The following SPTBN5 variants were observed in gnomAD, a reference collection of about 807,000 sequenced individuals.
The protein encoded by SPTBN5 is spectrin beta chain, non-erythrocytic 5.
A neutral mutation model predicts 477.6 loss-of-function variants in SPTBN5; 513 were observed. The ratio of observed to expected loss-of-function variants is 1.07; its 90% CI spans 1.00 to 1.16. The LOEUF (loss-of-function observed/expected upper bound fraction) is 1.16. SPTBN5 is among the 50% of genes most tolerant of loss of function. SPTBN5 has a pLI of 0.00. For synonymous variants in SPTBN5, 2,169 were observed against 2,011.7 expected (o/e 1.08, Z -2.09); for missense variants, 5,062 against 4,731.8 (o/e 1.07, Z -2.05).
intron 62 of SPTBN5, 90 bp from the exon 63 acceptor site, chr15:41,851,940 C>T (rs1199218961): frequency 2.7e-6 from 3 of 1,109,580 alleles, no homozygotes; most frequent in Admixed American, 2.1e-5. Context: ...TCTCTTTATT[C>T]CTCCCATCCA....
chr15:41,881,106 A>G lies in SPTBN5; in HGVS notation c.2586T>C (p.Phe862=). The G allele has an allele frequency of 6.2e-7, 1 of 1,613,152 alleles. No homozygotes were observed. The highest frequency in any genetic ancestry group is 1.1e-5 in the South Asian group (1 of 90,928). ...GTGTCTGGAGTATAGTGTTGGGATC[A>G]AAGTCAGGGTCAGGCTCAGCTGGGA... The part of the protein sequence containing the change: ...MALPAEPDPD[F]DPNTILQTQD... Residue 862 remains phenylalanine (F), a synonymous_variant, in exon 13 of 68, where the codon TTT becomes TTC. Coordinates refer to ENST00000320955, the MANE Select transcript of SPTBN5 (RefSeq NM_016642.4).
intron 15 of SPTBN5, 27 bp downstream of exon 15, chr15:41,879,707 C>T (rs778378451): frequency 1.2e-6 from 2 of 1,612,384 alleles, no homozygotes; most frequent in South Asian, 2.2e-5. Flanking sequence ...GCCTGCCTCA[C>T]CACCTGCACT....
intron 47 of SPTBN5, among the ~76,000 whole-genome samples, chr15:41,859,709 C>A (rs1280230897): frequency 6.6e-6 from 1 of 152,078 alleles, no homozygotes; most frequent in Non-Finnish European, 1.5e-5. Context: ...CCAGGAACCA[C>A]CTAAGGTGAC....
Position 41,852,722 on chromosome 15 carries a change from TCTGACA to T in SPTBN5, c.10355_10360del (p.Val3452_Ser3453del). On this transcript the variant is annotated inframe_deletion, in exon 61 of 68. Coordinates refer to ENST00000320955, the MANE Select transcript of SPTBN5 (RefSeq NM_016642.4). Reference sequence around the variant, plus strand: ...GTGTCTGTGCAGCAGCAACTCCACATCTGACACTGAGTGCTGGGGAGAAGCATGTTC... The same window carrying T: ...GTGTCTGTGCAGCAGCAACTCCACATCTGAGTGCTGGGGAGAAGCATGTTC... The T allele has an allele frequency of 6.2e-7, 1 of 1,612,376 alleles. No homozygotes were observed. The highest frequency in any genetic ancestry group is 8.5e-7 in the Non-Finnish European group (1 of 1,179,524).
chr15:41,883,923 T>C (rs1431807945), intron 7 of SPTBN5, among the ~76,000 whole-genome samples: 1 of 152,214 alleles, frequency 6.6e-6, no homozygotes, highest in Non-Finnish European at 1.5e-5. Flanking sequence ...CCTGAGTAGC[T>C]GGGATTACAG....
At position 41,855,749 on chromosome 15, in the gene SPTBN5, G is replaced by T; in HGVS notation, c.9022-4C>A. 1 of 1,571,672 alleles carries T rather than the reference G, an allele frequency of 6.4e-7. No individual in the cohort carries two copies. The highest frequency in any genetic ancestry group is 2.3e-5 in the East Asian group (1 of 43,478). On this transcript the variant is annotated splice_region_variant and splice_polypyrimidine_tract_variant and intron_variant, in intron 53 of 67. Transcript: ENST00000320955. ...GCCAGGATCCCGCCTCCAGGAGCTG[G>T]GGGTGACAGAGTGGAGATCCGTTTT...
chr15:41,870,574 G>T lies in SPTBN5; in HGVS notation c.5448-14C>A. The T allele has an allele frequency of 6.3e-7, 1 of 1,599,614 alleles. No individual in the cohort carries two copies. Among genetic ancestry groups the T allele is most frequent in the Non-Finnish European group, 8.5e-7 (1 of 1,176,102 alleles). ...GACCAGGCGGTCCTGCCCACGGCGT[G>T]TGGAAGACCAGCCGGGGATCAGCTG... On this transcript the variant is annotated splice_polypyrimidine_tract_variant and intron_variant, in intron 29 of 67. Transcript: ENST00000320955.
Position 41,876,876 on chromosome 15 carries a change from G to T in SPTBN5, c.3784C>A (p.Pro1262Thr), listed in dbSNP as rs138022432. Residue 1262 changes from proline to threonine, a missense_variant, in exon 19 of 68, where the codon CCT becomes ACT. Physicochemically the swap from Pro to Thr is conservative, Grantham distance 38. Transcript: ENST00000320955. ...EFGRLLSTLG[P>T]RAEALRAHGE... ...TGTGCCCGCAGAGCCTCTGCCCGAG[G>T]CCCCAGGGTGCTCAGGAGCCGCCCA... The T allele has an allele frequency of 2.5e-4, 407 of 1,610,508 alleles. 1 individual carries two copies. In the African/African-American group the frequency reaches 4.5e-3, roughly 18 times the overall value.
chr15:41,875,383 T>C, intron 22 of SPTBN5, 75 bp downstream of exon 22: 1 of 1,495,316 alleles, frequency 6.7e-7, no homozygotes, highest in Non-Finnish European at 8.9e-7. Context: ...ACACCCAGAC[T>C]TCTCCCTCCC....
Position 41,852,821 on chromosome 15 carries a change from C to T in SPTBN5, c.10347+3G>A, listed in dbSNP as rs757476616. 1 of 1,609,990 alleles carries T rather than the reference C, an allele frequency of 6.2e-7. No individual in the cohort carries two copies. Among genetic ancestry groups the T allele is most frequent in the Non-Finnish European group, 8.5e-7 (1 of 1,177,776 alleles). On this transcript the variant is annotated splice_donor_region_variant and intron_variant, in intron 60 of 67. Transcript: ENST00000320955. ...CCAGCTAAGGGGCAGGACCCCCACT[C>T]ACCCCATAGTCGGGCTTCAGCAGGA...
rs938245809 is a variant in SPTBN5 at position 41,882,411 on chromosome 15, C to T, written c.2105G>A (p.Gly702Glu). The T allele has an allele frequency of 2.6e-6, 4 of 1,542,746 alleles. No homozygotes were observed. The highest frequency in any genetic ancestry group is 2.7e-5 in the African/African-American group (2 of 73,256). The change falls in exon 11 of 68, where the codon GGA becomes GAA. Residue 702 changes from glycine (G) to glutamate (E), a missense_variant. Coordinates refer to ENST00000320955, the MANE Select transcript of SPTBN5 (RefSeq NM_016642.4). ...GGGCCTGCGGGCGCTGAGGTCGCGT[C>T]CCCTCCGCACGAGATCTACGCACAC... ...QAVCVDLVRR[G>E]RDLSARRPPT...
At chr15:41,880,717 TG>T (rs2066921016) in intron 13 of SPTBN5, among the ~76,000 whole-genome samples, 1 of 152,198 alleles carries the variant, frequency 6.6e-6, no homozygotes. Context: ...CTTCCTCCGC[TG>T]GGCCCCCTTC....
rs748281244 is a variant in SPTBN5 at position 41,854,106 on chromosome 15, C to A, written c.9718G>T (p.Gly3240Ter). The change falls in exon 57 of 68, where the codon GGA becomes TGA. Residue 3240 changes from glycine to a stop codon, truncating the protein, a stop_gained. Transcript: ENST00000320955. LOFTEE classifies it high-confidence loss of function. ...EKTALMKGED[G>*]GHSLSSVRTL... ...CGCACAGATGACAGGCTGTGGCCTC[C>A]GTCCTCCCCCTTCATCAGGGCCGTC... 1.3e-6 allele frequency: 2 copies of A among 1,585,194 alleles called. No individual in the cohort carries two copies. Among genetic ancestry groups the A allele is most frequent in the Middle Eastern group, 3.3e-4 (2 of 6,036 alleles).
chr15:41,865,086 C>T (rs372182074), intron 39 of SPTBN5, among the ~76,000 whole-genome samples: 12 of 152,162 alleles, frequency 7.9e-5, no homozygotes, highest in East Asian at 7.7e-4. Flanking sequence ...TAAGCACTGC[C>T]GCCTCTTAAA....
intron 29 of SPTBN5, 31 bp from the exon 30 acceptor site, chr15:41,870,591 G>T: frequency 6.3e-7 from 1 of 1,574,900 alleles, no homozygotes; most frequent in Admixed American, 1.7e-5. Context: ...ACCAGCCGGG[G>T]ATCAGCTGCC....
rs536279253 is a variant in SPTBN5, at chr15:41,873,403, G to A, written c.5007+89C>T. On this transcript the variant is annotated intron_variant, in intron 26 of 67. Transcript: ENST00000320955. Reference sequence around the variant, plus strand: ...CTCCAGGAAGCAAGAGCAGGGCTCCGTGCCTCTGAGAGAGGGAGGGTGACA... The same window carrying A: ...CTCCAGGAAGCAAGAGCAGGGCTCCATGCCTCTGAGAGAGGGAGGGTGACA... 126 of 989,972 alleles carry A rather than the reference G, an allele frequency of 1.3e-4. No individual in the cohort carries two copies. In the Admixed American group the frequency reaches 1.8e-3, roughly 14 times the overall value. The allele number at this position is 989,972 out of a possible 1,614,324, so 61.3% of individuals were successfully genotyped here.
chr15:41,885,970 G>A lies in SPTBN5; in HGVS notation c.1285C>T (p.Arg429Trp), dbSNP rs370725104. The change falls in exon 7 of 68, where the codon CGG becomes TGG. Residue 429 changes from arginine to tryptophan, a missense_variant. By Grantham distance (101) the Arg-to-Trp change is moderately radical. Transcript: ENST00000320955. The stretch of plus-strand genomic sequence containing the variant: ...AGGGCTGCCTTGTGCTGGAAGCGCC[G>A]GGCCAGGGTTTCTAGCCGCTGCAGC... ...LQLQRLETLA[R>W]RFQHKAALRE... 3.9e-5 allele frequency: 60 copies of A among 1,549,226 alleles called. 1 individual carries two copies. The highest frequency in any genetic ancestry group is 3.4e-4 in the Admixed American group (17 of 49,560).
rs2067024244 is a variant in SPTBN5 at position 41,882,982 on chromosome 15, G to C, written c.1892+14C>G. On this transcript the variant is annotated intron_variant, in intron 9 of 67. Transcript: ENST00000320955. ...AGTTCTGGGAAAGGTGGAAGAGTTG[G>C]GGCAGGCTCTTACCGGGCCCTGACA... The C allele has an allele frequency of 1.3e-6, 2 of 1,530,514 alleles. No individual in the cohort carries two copies. The highest frequency in any genetic ancestry group is 1.8e-6 in the Non-Finnish European group (2 of 1,140,906). 94.8% of individuals were successfully genotyped at this position (1,530,514 alleles called of 1,614,324 possible). A position where few individuals can be genotyped will look rare whatever the true frequency, so the allele number is the denominator to read the frequency against.
chr15:41,874,943 C>G lies in SPTBN5; in HGVS notation c.4401G>C (p.Glu1467Asp), dbSNP rs1247748905. Residue 1467 changes from glutamate (E) to aspartate (D), a missense_variant, in exon 23 of 68, where the codon GAG (glutamate) becomes GAC (aspartate). Transcript: ENST00000320955. Reference sequence around the variant, plus strand: ...CCATCTTGGCAGCCAGGGTCCGGCTCTCACTCTCCAGCTGTTGGTGCCGTT... The same window carrying G: ...CCATCTTGGCAGCCAGGGTCCGGCTGTCACTCTCCAGCTGTTGGTGCCGTT... ...LQKRHQQLES[E>D]SRTLAAKMAA... 1 of 1,613,430 alleles carries G rather than the reference C, an allele frequency of 6.2e-7. No individual in the cohort carries two copies. The highest frequency in any genetic ancestry group is 8.5e-7 in the Non-Finnish European group (1 of 1,179,860).
Sources: gnomAD v4.1 joint callset for allele counts (sites outside exome capture counted in the v4.1 genomes callset) on GRCh38, gnomAD v4.1.1 for gene constraint, MANE v1.5 for transcripts, NCBI Gene and HGNC (gene_info 2026-07-23, HGNC 2026-07-21) for gene names.